The following LRRIQ3 variants were observed in gnomAD, a reference collection of about 807,000 sequenced individuals.
LRRIQ3 encodes leucine-rich repeat and IQ domain-containing protein 3.
LRRIQ3 carries 75 observed loss-of-function variants against 59.3 expected under a neutral mutation model. The observed-to-expected ratio is 1.26, with a 90% CI of 1.05 to 1.53. The LOEUF (loss-of-function observed/expected upper bound fraction) is 1.53. Ranked by LOEUF, LRRIQ3 falls within the 40% of genes most tolerant of loss-of-function variation. LRRIQ3 has a pLI of 0.00. For missense variants in LRRIQ3, 831 were observed against 710.0 expected (o/e 1.17, Z -1.94); for synonymous variants, 250 against 231.3 (o/e 1.08, Z -0.73).
intron 5 of LRRIQ3, among the ~76,000 whole-genome samples, chr1:74,105,153 G>T (rs1472565150): frequency 6.6e-6 from 1 of 151,712 alleles, no homozygotes; most frequent in African/African-American, 2.4e-5. Context: ...CCTTTAGAAA[G>T]CAATAATTAT....
intron 5 of LRRIQ3, among the ~76,000 whole-genome samples, chr1:74,085,297 G>A (rs78841079): frequency 0.011 from 1,648 of 143,514 alleles, 16 homozygotes; most frequent in Non-Finnish European, 0.019. Context: ...TCCTATGTGC[G>A]TATCACTATG....
At chr1:74,088,891 G>A (rs1646361927) in intron 5 of LRRIQ3, among the ~76,000 whole-genome samples, 2 of 151,888 alleles carry the variant, frequency 1.3e-5, no homozygotes, top group African/African-American at 4.8e-5. Context: ...CCCACATAAT[G>A]AGAAAATAAC....
chr1:74,179,701 G>T (rs1288655681), intron 3 of LRRIQ3, among the ~76,000 whole-genome samples: 1 of 151,816 alleles, frequency 6.6e-6, no homozygotes, highest in Admixed American at 6.6e-5. Flanking sequence ...TTTGCTTAGT[G>T]GAAGTAATGA....
Position 74,122,207 on chromosome 1 carries a change from A to G in LRRIQ3, c.708-12654T>C, listed in dbSNP as rs539214071. ...TAGTGTACAGTCCCATCAACAGTGTAAAAGTGTTCCTATTTCTCCACATCC... is the reference window on the plus strand; with the variant it reads ...TAGTGTACAGTCCCATCAACAGTGTGAAAGTGTTCCTATTTCTCCACATCC... On this transcript the variant is annotated intron_variant, in intron 4 of 7. Coordinates refer to ENST00000354431, the MANE Select transcript of LRRIQ3 (RefSeq NM_001105659.2). Among the ~76,000 whole-genome samples the G allele has an allele frequency of 3.9e-5, 6 of 152,268 alleles. No homozygotes were observed. In the South Asian group the frequency reaches 1.2e-3, roughly 32 times the overall value.
intron 5 of LRRIQ3, among the ~76,000 whole-genome samples, chr1:74,077,627 T>C (rs192180608): frequency 3.3e-5 from 5 of 152,170 alleles, no homozygotes; most frequent in Admixed American, 3.3e-4. Context: ...TGTATCTGGC[T>C]GTCATTGCTT....
At chr1:74,189,167 T>C (rs1650594731) in intron 1 of LRRIQ3, among the ~76,000 whole-genome samples, 3 of 152,216 alleles carry the variant, frequency 2.0e-5, no homozygotes, top group African/African-American at 7.2e-5. Flanking sequence ...GACCTCTCTA[T>C]GTTGACCTGT....
At chr1:74,075,775 G>T (rs77907725) in intron 5 of LRRIQ3, among the ~76,000 whole-genome samples, 5,080 of 152,108 alleles carry the variant, frequency 0.033, 303 homozygotes, top group African/African-American at 0.12. Flanking sequence ...GGTTATCAGG[G>T]ACATAGGCTC....
chr1:74,143,924 A>G (rs902994231), intron 4 of LRRIQ3, among the ~76,000 whole-genome samples: 4 of 151,894 alleles, frequency 2.6e-5, no homozygotes, highest in Non-Finnish European at 5.9e-5. Context: ...AAATGAGACT[A>G]ATCATTTCCT....
chr1:74,130,110 A>C (rs980743320), intron 4 of LRRIQ3, among the ~76,000 whole-genome samples: 24 of 151,912 alleles, frequency 1.6e-4, no homozygotes, highest in Non-Finnish European at 1.0e-4. Context: ...CTGGCATCTC[A>C]TTTGGTTATG....
intron 4 of LRRIQ3, among the ~76,000 whole-genome samples, chr1:74,113,636 A>C (rs1274584102): frequency 6.6e-6 from 1 of 152,128 alleles, no homozygotes; most frequent in African/African-American, 2.4e-5. Context: ...GTTCTGAGAG[A>C]AGAAAAAGAA....
At chr1:74,176,113 A>AGAGC (rs1399764251) in intron 3 of LRRIQ3, among the ~76,000 whole-genome samples, 1 of 152,098 alleles carries the variant, frequency 6.6e-6, no homozygotes, top group African/African-American at 2.4e-5. Flanking sequence ...CTTTCTATGT[A>AGAGC]GAGCGCTTCC....
Position 74,118,119 on chromosome 1 carries a change from C to CT in LRRIQ3, c.708-8567dup, listed in dbSNP as rs559909122. Among the ~76,000 whole-genome samples, 12 of 152,074 alleles carry CT rather than the reference C, an allele frequency of 7.9e-5. No homozygotes were observed. In the South Asian group the frequency reaches 2.3e-3, roughly 29 times the overall value. ...TAGAAAATAGCAGGCATAACATACC[C>CT]TTTTTTGTAAAATAAAAATACACTC... On this transcript the variant is annotated intron_variant, in intron 4 of 7. Transcript: ENST00000354431.
chr1:74,032,303 C>T (rs891077126), intron 7 of LRRIQ3, among the ~76,000 whole-genome samples: 1 of 151,984 alleles, frequency 6.6e-6, no homozygotes, highest in African/African-American at 2.4e-5. Flanking sequence ...TTCCACATAA[C>T]AATTTACCCA....
intron 5 of LRRIQ3, among the ~76,000 whole-genome samples, chr1:74,075,228 G>C (rs1299805826): frequency 1.3e-5 from 2 of 152,054 alleles, no homozygotes; most frequent in African/African-American, 4.8e-5. Context: ...ACAATAACAG[G>C]AAGAAAGGAA....
chr1:74,031,185 AT>A (rs1187185164), intron 7 of LRRIQ3, among the ~76,000 whole-genome samples: 4 of 152,196 alleles, frequency 2.6e-5, no homozygotes, highest in Non-Finnish European at 4.4e-5. Context: ...TAGTTCCACC[AT>A]TGTGGAAGAC....
At chr1:74,040,642 C>CA (rs1654015614) in intron 7 of LRRIQ3, among the ~76,000 whole-genome samples, 1 of 152,184 alleles carries the variant, frequency 6.6e-6, no homozygotes, top group Non-Finnish European at 1.5e-5. Flanking sequence ...GACACTCACT[C>CA]AAAACCACAC....
At chr1:74,140,129 T>A (rs1647206477) in intron 4 of LRRIQ3, among the ~76,000 whole-genome samples, 1 of 151,888 alleles carries the variant, frequency 6.6e-6, no homozygotes, top group African/African-American at 2.4e-5. Context: ...ATAGTTAATA[T>A]AAAAATTGTC....
chr1:74,153,322 T>C (rs1648103529), intron 4 of LRRIQ3, among the ~76,000 whole-genome samples: 1 of 152,192 alleles, frequency 6.6e-6, no homozygotes, highest in African/African-American at 2.4e-5. Context: ...GCCATATATA[T>C]TTCAAGTACT....
chr1:74,070,745 A>G (rs1460608860), intron 6 of LRRIQ3, among the ~76,000 whole-genome samples: 1 of 151,886 alleles, frequency 6.6e-6, no homozygotes, highest in Non-Finnish European at 1.5e-5. Flanking sequence ...CTCAATTTCA[A>G]AATCTGTTGA....
Sources: gnomAD v4.1 joint callset for allele counts (sites outside exome capture counted in the v4.1 genomes callset) on GRCh38, gnomAD v4.1.1 for gene constraint, MANE v1.5 for transcripts, NCBI Gene and HGNC (gene_info 2026-07-23, HGNC 2026-07-21) for gene names.